Variants in PPP6R3 observed in about 807,000 individuals in gnomAD.
The protein encoded by PPP6R3 is protein phosphatase 6 regulatory subunit 3.
A neutral mutation model predicts 110.7 loss-of-function variants in PPP6R3; 38 were observed. The observed-to-expected ratio is 0.34, with a 90% CI of 0.26 to 0.45. The LOEUF is 0.45. Ranked by LOEUF, PPP6R3 falls within the 20% of genes least tolerant of loss-of-function variation. PPP6R3 has a pLI of 1.00. For synonymous variants in PPP6R3, 369 were observed against 373.5 expected, an observed-to-expected ratio of 0.99 and a Z score of 0.14; for missense variants, 870 against 1,062.4, an observed-to-expected ratio of 0.82 and a Z score of 2.52.
chr11:68,536,146 T>C (rs933369114), intron 2 of PPP6R3, among the ~76,000 whole-genome samples: 7 of 152,188 alleles, frequency 4.6e-5, no homozygotes, highest in African/African-American at 1.4e-4. Context: ...ATACTAGCAG[T>C]GTAAATGATT....
chr11:68,561,383 A>G (rs1237476484), intron 8 of PPP6R3, among the ~76,000 whole-genome samples: 1 of 152,030 alleles, frequency 6.6e-6, no homozygotes, highest in African/African-American at 2.4e-5. Flanking sequence ...TAGGTGAACC[A>G]CCTCGCCCAG....
chr11:68,541,832 G>A (rs564758713), intron 3 of PPP6R3, among the ~76,000 whole-genome samples: 22 of 152,078 alleles, frequency 1.4e-4, no homozygotes, highest in African/African-American at 5.1e-4. Flanking sequence ...AGGAAGGAGG[G>A]GGGACAGTGG....
chr11:68,461,691 C>A (rs1050564246), intron 1 of PPP6R3, among the ~76,000 whole-genome samples: 2 of 152,100 alleles, frequency 1.3e-5, no homozygotes, highest in African/African-American at 4.8e-5. Context: ...GACTTAATGT[C>A]ATTTTCCTGG....
intron 22 of PPP6R3, among the ~76,000 whole-genome samples, chr11:68,608,157 A>G (rs546120676): frequency 4.6e-5 from 7 of 152,206 alleles, no homozygotes; most frequent in Non-Finnish European, 7.4e-5. Flanking sequence ...GGCTGATGGC[A>G]AACTGAAAAA....
intron 1 of PPP6R3, among the ~76,000 whole-genome samples, chr11:68,477,724 C>A (rs1445766917): frequency 1.8e-5 from 1 of 54,470 alleles, no homozygotes; most frequent in African/African-American, 7.8e-5. Context: ...GAGACATTGT[C>A]TCTTAAAAAA....
At chr11:68,463,355 G>GGAAAAAAAAAAA (rs1591425028) in intron 1 of PPP6R3, among the ~76,000 whole-genome samples, 1 of 54,626 alleles carries the variant, frequency 1.8e-5, no homozygotes, top group Non-Finnish European at 3.5e-5. Flanking sequence ...CTCAGTCTCA[G>GGAAAAAAAAAAA]AAAAAAAAAA....
chr11:68,552,056 G>A (rs1447056280), intron 6 of PPP6R3, among the ~76,000 whole-genome samples: 3 of 152,166 alleles, frequency 2.0e-5, no homozygotes, highest in African/African-American at 4.8e-5. Context: ...ATGCCTGTTG[G>A]GACCAGTGGG....
At chr11:68,537,584 G>A in intron 2 of PPP6R3, 75 bp from the exon 3 acceptor site, 1 of 1,018,824 alleles carries the variant, frequency 9.8e-7, no homozygotes, top group Non-Finnish European at 1.4e-6. Flanking sequence ...TTGTAAAACT[G>A]AACTGAAATA....
At chr11:68,611,486 G>A (rs1220705948) in intron 23 of PPP6R3, among the ~76,000 whole-genome samples, 5 of 152,216 alleles carry the variant, frequency 3.3e-5, no homozygotes, top group Admixed American at 1.3e-4. Context: ...CTAACCTGCC[G>A]GGCCAAGGGA....
intron 2 of PPP6R3, among the ~76,000 whole-genome samples, chr11:68,521,035 G>C (rs2099161933): frequency 6.6e-6 from 1 of 152,172 alleles, no homozygotes; most frequent in African/African-American, 2.4e-5. Context: ...GCCTCCCAAA[G>C]TGCTGGTATT....
At chr11:68,490,019 A>T (rs1242256437) in intron 1 of PPP6R3, among the ~76,000 whole-genome samples, 1 of 152,210 alleles carries the variant, frequency 6.6e-6, no homozygotes, top group Non-Finnish European at 1.5e-5. Context: ...TTTAATTAAG[A>T]ATAAGAAAAA....
intron 22 of PPP6R3, 138 bp downstream of exon 22, chr11:68,603,630 T>A: frequency 9.2e-7 from 1 of 1,083,618 alleles, no homozygotes; most frequent in Non-Finnish European, 1.3e-6. Flanking sequence ...TTGTCTCCAT[T>A]AAACACAATA....
chr11:68,612,993 A>T (rs1442063498), intron 23 of PPP6R3, 73 bp from the exon 24 acceptor site: 1 of 1,610,060 alleles, frequency 6.2e-7, no homozygotes, highest in Non-Finnish European at 8.5e-7. Flanking sequence ...GCCCTTGGGG[A>T]GCTCAGCTAA....
intron 1 of PPP6R3, among the ~76,000 whole-genome samples, chr11:68,507,742 C>A (rs1175550191): frequency 6.6e-6 from 1 of 152,092 alleles, no homozygotes; most frequent in Non-Finnish European, 1.5e-5. Context: ...GTGTTTCTTG[C>A]TTTTGTGTAT....
intron 14 of PPP6R3, among the ~76,000 whole-genome samples, chr11:68,581,618 G>A (rs1372537775): frequency 2.0e-5 from 3 of 152,246 alleles, no homozygotes; most frequent in Non-Finnish European, 4.4e-5. Context: ...ACAACCACTT[G>A]ACTTGCTCTT....
intron 19 of PPP6R3, among the ~76,000 whole-genome samples, chr11:68,598,865 C>G (rs961956303): frequency 1.3e-5 from 2 of 152,180 alleles, no homozygotes; most frequent in Non-Finnish European, 2.9e-5. Flanking sequence ...GATTTTCAAA[C>G]ATTCAAGCAT....
chr11:68,536,598 A>T (rs561034918), intron 2 of PPP6R3, among the ~76,000 whole-genome samples: 1 of 152,184 alleles, frequency 6.6e-6, no homozygotes, highest in East Asian at 1.9e-4. Context: ...TGTGTGCTAT[A>T]CATGGATTAC....
chr11:68,561,060 C>T (rs1288150797), intron 8 of PPP6R3, among the ~76,000 whole-genome samples: 1 of 152,010 alleles, frequency 6.6e-6, no homozygotes, highest in Non-Finnish European at 1.5e-5. Flanking sequence ...CTACGCCCAG[C>T]TAACTTTTTT....
intron 18 of PPP6R3, among the ~76,000 whole-genome samples, chr11:68,593,455 T>C (rs2099601815): frequency 6.6e-6 from 1 of 152,330 alleles, no homozygotes; most frequent in East Asian, 1.9e-4. Context: ...ATGTTTTGGT[T>C]GTTTCTGGTT....
Sources: allele counts gnomAD v4.1 joint callset (sites outside exome capture counted in the v4.1 genomes callset), GRCh38; gene constraint gnomAD v4.1.1; transcripts MANE v1.5; gene names NCBI Gene and HGNC (gene_info 2026-07-23, HGNC 2026-07-21).